The following MMRN1 variants were observed in gnomAD, a reference collection of about 807,000 sequenced individuals.
MMRN1 encodes multimerin 1.
In MMRN1, 94 loss-of-function variants were observed where a neutral mutation model predicts 100.7. The ratio of observed to expected loss-of-function variants is 0.93; its 90% confidence interval spans 0.79 to 1.11. The LOEUF (loss-of-function observed/expected upper bound fraction) is 1.11. Ranked by LOEUF, MMRN1 falls within the 50% of genes least tolerant of loss-of-function variation. The pLI is 0.00. For missense variants in MMRN1, 1,606 were observed against 1,439.1 expected (o/e 1.12, Z -1.88); for synonymous variants, 575 against 505.0 (o/e 1.14, Z -1.86).
rs1723260650 is a variant in MMRN1 at position 89,953,830 on chromosome 4, AC to A, written c.*413del. On this transcript the variant is annotated 3_prime_UTR_variant, in exon 8 of 8. Coordinates refer to ENST00000264790, the MANE Select transcript of MMRN1 (RefSeq NM_007351.3). ...TATATAACACACATTTTCTAGATTC[AC>A]AAATTTAAATAAATTACTCAAAAAA... The A allele has an allele frequency of 6.5e-6, 1 of 153,202 alleles. No individual in the cohort carries two copies. Among genetic ancestry groups the A allele is most frequent in the African/African-American group, 2.4e-5 (1 of 41,476 alleles). 9.5% of individuals were successfully genotyped at this position (153,202 alleles called of 1,614,324 possible).
intron 1 of MMRN1, among the ~76,000 whole-genome samples, chr4:89,896,197 C>T (rs963105423): frequency 5.3e-5 from 8 of 152,050 alleles, no homozygotes; most frequent in South Asian, 2.1e-4. Context: ...GCAGGGTTCT[C>T]GTTCAGATAA....
rs780960491 is a variant in MMRN1, at chr4:89,936,275, T to C, written c.2595T>C (p.Ile865=). The C allele has an allele frequency of 1.1e-5, 17 of 1,607,992 alleles. No homozygotes were observed. Among genetic ancestry groups the C allele is most frequent in the Non-Finnish European group, 1.4e-5 (16 of 1,178,388 alleles). Residue 865 remains isoleucine (I), a synonymous_variant, in exon 6 of 8, where the codon ATT becomes ATC. Coordinates refer to ENST00000264790, the MANE Select transcript of MMRN1 (RefSeq NM_007351.3). ...SKNFETRLQD[I]ESKVTQTLIP... is the part of the protein sequence containing the mutation. ...ATTTTGAGACTCGGTTGCAAGACAT[T>C]GAGTCTAAAGTTACCCAGACGCTCA... is the stretch of plus-strand genomic sequence containing the variant.
At position 89,894,968 on chromosome 4, in the gene MMRN1, T is replaced by G. The variant is rs370351410; in HGVS notation, c.-4T>G. 15 of 1,602,470 alleles carry G rather than the reference T, an allele frequency of 9.4e-6. No individual in the cohort carries two copies. The highest frequency in any genetic ancestry group is 4.0e-5 in the African/African-American group (3 of 74,490). On this transcript the variant is annotated 5_prime_UTR_variant, in exon 1 of 8. The change abolishes the stop of an existing upstream ORF in the 5' untranslated region. Transcript: ENST00000264790. Reference sequence around the variant, plus strand: ...CATGAGCTACCTTGCTTCAAACTACTGAGATGAAGGGGGCAAGATTATTTG... The same window carrying G: ...CATGAGCTACCTTGCTTCAAACTACGGAGATGAAGGGGGCAAGATTATTTG...
At chr4:89,932,657 G>A (rs1275351828) in intron 5 of MMRN1, among the ~76,000 whole-genome samples, 2 of 152,132 alleles carry the variant, frequency 1.3e-5, no homozygotes, top group African/African-American at 2.4e-5. Flanking sequence ...ACAGGCTTGG[G>A]GCTTGCACCC....
chr4:89,944,207 T>G (rs920661792), intron 6 of MMRN1, among the ~76,000 whole-genome samples: 1 of 152,232 alleles, frequency 6.6e-6, no homozygotes, highest in African/African-American at 2.4e-5. Context: ...TTTCTCTATT[T>G]TAAATAGTGC....
chr4:89,895,332 G>C lies in MMRN1; in HGVS notation c.361G>C (p.Ala121Pro), dbSNP rs1047372866. ...ACAGAATCTTACCCTCCCAACCAAC[G>C]CTAGCATCAAGTTCAATCCTGGAGC... is the stretch of plus-strand genomic sequence containing the variant. Reference protein sequence around the residue: ...KLQNLTLPTNASIKFNPGAES... With the variant: ...KLQNLTLPTNPSIKFNPGAES... Residue 121 changes from alanine to proline, a missense_variant, in exon 1 of 8, where the codon GCT becomes CCT. Transcript: ENST00000264790. 2 of 1,613,722 alleles carry C rather than the reference G, an allele frequency of 1.2e-6. No homozygotes were observed. Among genetic ancestry groups the C allele is most frequent in the African/African-American group, 2.7e-5 (2 of 74,866 alleles).
intron 4 of MMRN1, among the ~76,000 whole-genome samples, chr4:89,925,947 C>A (rs1235348273): frequency 1.3e-5 from 2 of 152,142 alleles, no homozygotes; most frequent in Non-Finnish European, 2.9e-5. Flanking sequence ...CCAGTTCCAT[C>A]CATGTTGTTG....
chr4:89,917,219 A>G, intron 3 of MMRN1, among the ~76,000 whole-genome samples: 1 of 151,998 alleles, frequency 6.6e-6, no homozygotes, highest in Non-Finnish European at 1.5e-5. Flanking sequence ...GCAGCATGTA[A>G]TACTTTGTAA....
intron 3 of MMRN1, among the ~76,000 whole-genome samples, chr4:89,912,581 T>C (rs185254665): frequency 6.6e-6 from 1 of 150,962 alleles, no homozygotes; most frequent in Admixed American, 6.6e-5. Context: ...GACTTTCTGG[T>C]GGCAAGGCTG....
intron 3 of MMRN1, among the ~76,000 whole-genome samples, chr4:89,921,965 A>T (rs1479250813): frequency 6.6e-6 from 1 of 152,228 alleles, no homozygotes; most frequent in East Asian, 1.9e-4. Flanking sequence ...AAGCACGGCT[A>T]GACACAAAAC....
Position 89,915,896 on chromosome 4 carries a change from T to C in MMRN1, c.850+3846T>C, listed in dbSNP as rs1357065639. On this transcript the variant is annotated intron_variant, in intron 3 of 7. Transcript: ENST00000264790. ...GAAAAAGAAACTTAGAAATCTGTCC[T>C]GTATGGAACAAAGCAAAGGTCTGTG... 3.3e-5 allele frequency among the ~76,000 whole-genome samples: 5 copies of C among 151,750 alleles called. No homozygotes were observed. The East Asian group carries it at 9.6e-4, about 29-fold the overall frequency.
At chr4:89,897,866 A>G (rs1261087151) in intron 1 of MMRN1, among the ~76,000 whole-genome samples, 3 of 152,206 alleles carry the variant, frequency 2.0e-5, no homozygotes, top group Non-Finnish European at 4.4e-5. Context: ...ACTTCAAAAA[A>G]TGTTAATATG....
chr4:89,896,262 C>T (rs1357277381), intron 1 of MMRN1, among the ~76,000 whole-genome samples: 1 of 152,152 alleles, frequency 6.6e-6, no homozygotes, highest in East Asian at 1.9e-4. Context: ...TGCTCAACAA[C>T]TCAAATTTTG....
intron 1 of MMRN1, among the ~76,000 whole-genome samples, chr4:89,900,225 G>A (rs1039395598): frequency 2.2e-4 from 34 of 152,080 alleles, no homozygotes; most frequent in African/African-American, 8.2e-4. Flanking sequence ...TGATTTCAGA[G>A]ATGTATGTCT....
chr4:89,917,140 C>T (rs747872390), intron 3 of MMRN1, among the ~76,000 whole-genome samples: 2 of 151,434 alleles, frequency 1.3e-5, no homozygotes, highest in Non-Finnish European at 1.5e-5. Flanking sequence ...AGAGAGAGCC[C>T]TTGCCCTTGT....
At chr4:89,911,499 C>G (rs111996067) in intron 2 of MMRN1, among the ~76,000 whole-genome samples, 3 of 151,258 alleles carry the variant, frequency 2.0e-5, no homozygotes, top group African/African-American at 7.2e-5. Context: ...AATTAGATCA[C>G]GAATATCCAA....
chr4:89,911,938 C>A lies in MMRN1; in HGVS notation c.744-6C>A. ...TCGATTTCCCTCCAATTGCTCAACTCTCTAGATCTCAGAAGATATCCAATC... is the reference window on the plus strand; with the variant it reads ...TCGATTTCCCTCCAATTGCTCAACTATCTAGATCTCAGAAGATATCCAATC... On this transcript the variant is annotated splice_region_variant and splice_polypyrimidine_tract_variant and intron_variant, in intron 2 of 7. Coordinates refer to ENST00000264790, the MANE Select transcript of MMRN1 (RefSeq NM_007351.3). 1 of 1,549,996 alleles carries A rather than the reference C, an allele frequency of 6.5e-7. No individual in the cohort carries two copies. Among genetic ancestry groups the A allele is most frequent in the South Asian group, 1.1e-5 (1 of 87,450 alleles).
chr4:89,943,294 G>A (rs1722889961), intron 6 of MMRN1, among the ~76,000 whole-genome samples: 1 of 151,950 alleles, frequency 6.6e-6, no homozygotes, highest in Non-Finnish European at 1.5e-5. Flanking sequence ...ACCTAAATTC[G>A]GTGACTTTAT....
intron 1 of MMRN1, among the ~76,000 whole-genome samples, chr4:89,885,704 ATTC>A (rs1334062561): frequency 6.6e-6 from 1 of 152,072 alleles, no homozygotes; most frequent in Non-Finnish European, 1.5e-5. Context: ...GGACCTTACT[ATTC>A]TTGCAATGTG....
Sources: allele counts gnomAD v4.1 joint callset (sites outside exome capture counted in the v4.1 genomes callset), GRCh38; gene constraint gnomAD v4.1.1; transcripts MANE v1.5; gene names NCBI Gene and HGNC (gene_info 2026-07-23, HGNC 2026-07-21).